The following IQCK variants were observed in gnomAD, a reference collection of about 807,000 sequenced individuals.
IQCK encodes IQ motif containing K.
A neutral mutation model predicts 28.1 loss-of-function variants in IQCK; 29 were observed. That is an observed-to-expected ratio of 1.03 (90% CI 0.77 to 1.41). The LOEUF is 1.41. Among genes scored for constraint, IQCK ranks in the 40% most tolerant of loss-of-function variants. The pLI is 0.00. For synonymous variants in IQCK, 113 were observed against 115.1 expected (o/e 0.98, Z 0.12); for missense variants, 359 against 314.7 (o/e 1.14, Z -1.07).
chr16:19,729,726 G>T (rs1245452013), intron 1 of IQCK, among the ~76,000 whole-genome samples: 1 of 151,076 alleles, frequency 6.6e-6, no homozygotes, highest in Non-Finnish European at 1.5e-5. Flanking sequence ...CTCACTGCAA[G>T]CTCCGCCTCC....
At chr16:19,724,335 T>C (rs1213550768) in intron 1 of IQCK, among the ~76,000 whole-genome samples, 2 of 152,150 alleles carry the variant, frequency 1.3e-5, no homozygotes, top group African/African-American at 4.8e-5. Flanking sequence ...ACCCCTGGTT[T>C]ATCATTCATC....
At chr16:19,820,497 A>G (rs993146005) in intron 7 of IQCK, among the ~76,000 whole-genome samples, 2 of 152,144 alleles carry the variant, frequency 1.3e-5, no homozygotes, top group Admixed American at 6.5e-5. Flanking sequence ...AAAATACAAA[A>G]AATTAGCTGG....
At chr16:19,834,354 C>T (rs1000431175) in intron 9 of IQCK, among the ~76,000 whole-genome samples, 4 of 152,190 alleles carry the variant, frequency 2.6e-5, no homozygotes, top group African/African-American at 7.2e-5. Context: ...CACAAGTCCA[C>T]GCAGCCAGTC....
intron 4 of IQCK, among the ~76,000 whole-genome samples, chr16:19,760,338 A>T (rs2055119694): frequency 6.6e-6 from 1 of 152,152 alleles, no homozygotes; most frequent in Admixed American, 6.5e-5. Flanking sequence ...AGGTCCAGGG[A>T]ATTTTGGCTT....
intron 6 of IQCK, among the ~76,000 whole-genome samples, chr16:19,781,845 TG>T (rs1442040872): frequency 6.6e-6 from 1 of 151,642 alleles, no homozygotes; most frequent in African/African-American, 2.4e-5. Flanking sequence ...AAAAATTAGC[TG>T]GGTGTGGTGG....
chr16:19,738,971 C>T (rs2054796175), intron 4 of IQCK, among the ~76,000 whole-genome samples: 1 of 152,186 alleles, frequency 6.6e-6, no homozygotes, highest in African/African-American at 2.4e-5. Flanking sequence ...TCTCTGGAAG[C>T]ATTTCTCACC....
Position 19,754,893 on chromosome 16 carries a change from C to T in IQCK, c.475-8955C>T, listed in dbSNP as rs16969123. ...GTGGTAGAATTATTTTAGCATGATC[C>T]CTTTTCAGCCAAAACACTTTCTGAA... On this transcript the variant is annotated intron_variant, in intron 4 of 7. Transcript: ENST00000564186. Among the ~76,000 whole-genome samples the T allele has an allele frequency of 8.9e-3, 1,360 of 152,164 alleles. 20 individuals carry two copies. The highest frequency in any genetic ancestry group is 0.031 in the African/African-American group (1,294 of 41,502).
chr16:19,725,859 T>C (rs997387846), intron 1 of IQCK, among the ~76,000 whole-genome samples: 13 of 152,216 alleles, frequency 8.5e-5, no homozygotes, highest in African/African-American at 3.1e-4. Context: ...GATCATGTGA[T>C]GAAGAAATTT....
At chr16:19,734,427 T>A (rs576943597) in intron 3 of IQCK, among the ~76,000 whole-genome samples, 1 of 132,714 alleles carries the variant, frequency 7.5e-6, no homozygotes, top group South Asian at 2.3e-4. Context: ...GCCACTGCAC[T>A]CCAGCCTGGG....
chr16:19,823,069 G>A (rs2056097761), intron 7 of IQCK, among the ~76,000 whole-genome samples: 1 of 152,124 alleles, frequency 6.6e-6, no homozygotes. Context: ...ACCCTTTGGG[G>A]ACTGTGTTTG....
chr16:19,746,763 G>A (rs892274647), intron 4 of IQCK, among the ~76,000 whole-genome samples: 2 of 152,188 alleles, frequency 1.3e-5, no homozygotes, highest in African/African-American at 4.8e-5. Flanking sequence ...AAAGTGAAGG[G>A]CAGTGGCTTT....
intron 6 of IQCK, among the ~76,000 whole-genome samples, chr16:19,775,452 G>A (rs538287871): frequency 6.6e-5 from 10 of 152,104 alleles, no homozygotes; most frequent in African/African-American, 2.2e-4. Context: ...CATTTACATA[G>A]TGTTTACTTG....
chr16:19,732,461 G>A (rs1035998958), intron 2 of IQCK, among the ~76,000 whole-genome samples: 7 of 152,188 alleles, frequency 4.6e-5, no homozygotes, highest in East Asian at 3.9e-4. Flanking sequence ...GGGCGGTGGC[G>A]GCAGGAGGGT....
At chr16:19,734,459 C>CAA (rs34178017) in intron 3 of IQCK, among the ~76,000 whole-genome samples, 2,016 of 50,158 alleles carry the variant, frequency 0.04, 131 homozygotes, top group African/African-American at 0.1. Context: ...GACTCCATCA[C>CAA]AAAAAAAAAA....
At chr16:19,734,519 C>T (rs923173440) in intron 3 of IQCK, among the ~76,000 whole-genome samples, 1 of 145,850 alleles carries the variant, frequency 6.9e-6, no homozygotes, top group African/African-American at 2.6e-5. Context: ...ACCCTAGCTA[C>T]TTGGGAGGCT....
intron 7 of IQCK, among the ~76,000 whole-genome samples, chr16:19,793,660 T>TG (rs1567559626): frequency 7.5e-6 from 1 of 133,958 alleles, no homozygotes; most frequent in African/African-American, 3.2e-5. Flanking sequence ...TTTTTTTTTT[T>TG]TTTTTTTTTT....
chr16:19,854,459 A>G (rs761745069), intron 9 of IQCK, among the ~76,000 whole-genome samples: 31 of 152,012 alleles, frequency 2.0e-4, no homozygotes, highest in Non-Finnish European at 3.5e-4. Flanking sequence ...TAAAATGCAG[A>G]TGGATGGGCT....
At chr16:19,724,496 T>C (rs1180184181) in intron 1 of IQCK, among the ~76,000 whole-genome samples, 1 of 152,042 alleles carries the variant, frequency 6.6e-6, no homozygotes, top group Non-Finnish European at 1.5e-5. Flanking sequence ...TAAGCTACTG[T>C]GGGTCAATGC....
chr16:19,783,423 T>A (rs2055518948), intron 6 of IQCK, among the ~76,000 whole-genome samples: 1 of 152,130 alleles, frequency 6.6e-6, no homozygotes, highest in Admixed American at 6.6e-5. Context: ...ATCGTGCCCG[T>A]CTGAACATGC....
Sources: allele counts gnomAD v4.1 joint callset (sites outside exome capture counted in the v4.1 genomes callset), GRCh38; gene constraint gnomAD v4.1.1; transcripts MANE v1.5; gene names NCBI Gene and HGNC (gene_info 2026-07-23, HGNC 2026-07-21).